Variants in JAZF1 observed in about 807,000 individuals in gnomAD.
JAZF1 encodes juxtaposed with another zinc finger protein 1.
JAZF1 carries 8 observed loss-of-function variants against 26.4 expected under a neutral mutation model. That is an observed-to-expected ratio of 0.30 (90% CI 0.18 to 0.55). The LOEUF (loss-of-function observed/expected upper bound fraction) is 0.55. Among genes scored for constraint, JAZF1 ranks in the 20% least tolerant of loss-of-function variants. The probability of loss-of-function intolerance (pLI) is 0.94; values close to 1 mark genes in which losing one functional copy is unlikely to be tolerated. For synonymous variants in JAZF1, 126 were observed against 122.3 expected, an observed-to-expected ratio of 1.03 and a Z score of -0.20; for missense variants, 199 against 322.0, an observed-to-expected ratio of 0.62 and a Z score of 2.92.
chr7:27,954,435 A>C (rs1018127713), intron 2 of JAZF1, among the ~76,000 whole-genome samples: 4 of 152,166 alleles, frequency 2.6e-5, no homozygotes, highest in Non-Finnish European at 5.9e-5. Flanking sequence ...ACACTAATTT[A>C]GGATGGTGGC....
intron 2 of JAZF1, chr7:27,914,834 C>G: frequency 2.1e-6 from 1 of 471,158 alleles, no homozygotes; most frequent in Non-Finnish European, 4.4e-6. Context: ...TTCTGGATTT[C>G]ACAAGCCATG....
At chr7:27,976,541 T>C (rs2128361047) in intron 2 of JAZF1, among the ~76,000 whole-genome samples, 1 of 152,176 alleles carries the variant, frequency 6.6e-6, no homozygotes, top group Non-Finnish European at 1.5e-5. Context: ...GCATGCAACA[T>C]GTTTATTATG....
intron 1 of JAZF1, among the ~76,000 whole-genome samples, chr7:28,055,743 T>C (rs1258807138): frequency 6.6e-6 from 1 of 152,224 alleles, no homozygotes; most frequent in Non-Finnish European, 1.5e-5. Context: ...GATTATTTGC[T>C]GATTTGATGA....
At chr7:28,039,287 A>C (rs757012993) in intron 1 of JAZF1, among the ~76,000 whole-genome samples, 5 of 151,890 alleles carry the variant, frequency 3.3e-5, no homozygotes, top group Admixed American at 6.6e-5. Flanking sequence ...ACACACACAC[A>C]CCCCTTATTA....
intron 1 of JAZF1, among the ~76,000 whole-genome samples, chr7:28,163,229 C>G (rs1375718480): frequency 6.6e-6 from 1 of 152,148 alleles, no homozygotes; most frequent in Non-Finnish European, 1.5e-5. Flanking sequence ...AGTAAGTTGC[C>G]CAAGGTCACA....
chr7:27,913,336 A>G (rs2128345960), intron 2 of JAZF1: 1 of 448,274 alleles, frequency 2.2e-6, no homozygotes, highest in East Asian at 8.6e-5. Context: ...CTAACCATAC[A>G]ATGTGTTAAG....
At chr7:28,015,110 C>A (rs1001057411) in intron 1 of JAZF1, among the ~76,000 whole-genome samples, 2 of 151,616 alleles carry the variant, frequency 1.3e-5, no homozygotes, top group Admixed American at 1.3e-4. Context: ...AAGTCCCATG[C>A]TAAAAATTCT....
chr7:27,940,984 G>A (rs1275849992), intron 2 of JAZF1, among the ~76,000 whole-genome samples: 2 of 152,154 alleles, frequency 1.3e-5, no homozygotes, highest in Non-Finnish European at 2.9e-5. Flanking sequence ...TTAATGGTAG[G>A]TGTTTTTAAT....
intron 2 of JAZF1, among the ~76,000 whole-genome samples, chr7:27,983,940 C>A (rs903624426): frequency 1.3e-5 from 2 of 152,156 alleles, no homozygotes; most frequent in African/African-American, 4.8e-5. Flanking sequence ...TACAAGAGCT[C>A]CTGAAGGAAG....
chr7:28,100,432 T>TA (rs1357333443), intron 1 of JAZF1, among the ~76,000 whole-genome samples: 1 of 151,872 alleles, frequency 6.6e-6, no homozygotes, highest in Non-Finnish European at 1.5e-5. Flanking sequence ...TACATATATA[T>TA]ATAATAATAA....
intron 1 of JAZF1, among the ~76,000 whole-genome samples, chr7:28,077,243 C>CAA (rs1313885312): frequency 1.3e-5 from 2 of 152,174 alleles, no homozygotes; most frequent in Non-Finnish European, 2.9e-5. Flanking sequence ...GACAATTAAT[C>CAA]AACTACATAG....
chr7:28,015,053 G>GTC (rs1342409280), intron 1 of JAZF1, among the ~76,000 whole-genome samples: 1 of 151,760 alleles, frequency 6.6e-6, no homozygotes, highest in Non-Finnish European at 1.5e-5. Flanking sequence ...GTGTGTGTGT[G>GTC]TGTGTGTGTG....
At chr7:28,093,002 G>A (rs975461535) in intron 1 of JAZF1, among the ~76,000 whole-genome samples, 2 of 152,172 alleles carry the variant, frequency 1.3e-5, no homozygotes, top group Admixed American at 6.5e-5. Flanking sequence ...TCTACAAAGT[G>A]TTCTAGTTGC....
chr7:27,869,171 G>A (rs1345968090), intron 3 of JAZF1, among the ~76,000 whole-genome samples: 1 of 152,134 alleles, frequency 6.6e-6, no homozygotes, highest in Non-Finnish European at 1.5e-5. Flanking sequence ...TTGGTAATAA[G>A]ACTAAGTGTT....
chr7:28,057,651 G>A (rs1182002538), intron 1 of JAZF1, among the ~76,000 whole-genome samples: 1 of 152,058 alleles, frequency 6.6e-6, no homozygotes, highest in African/African-American at 2.4e-5. Context: ...ATTTTTAATG[G>A]TTATAAGCTA....
intron 1 of JAZF1, among the ~76,000 whole-genome samples, chr7:28,143,694 T>A (rs1296894144): frequency 6.6e-6 from 1 of 152,190 alleles, no homozygotes; most frequent in Non-Finnish European, 1.5e-5. Flanking sequence ...ATCCTTTAAG[T>A]AGAAGAGAAA....
At chr7:28,122,477 T>C (rs10447553) in intron 1 of JAZF1, among the ~76,000 whole-genome samples, 120,761 of 151,984 alleles carry the variant, frequency 0.79, 48,649 homozygotes, top group African/African-American at 0.91. Flanking sequence ...CTTTTGGGTG[T>C]CTCCTGGCTT....
intron 1 of JAZF1, among the ~76,000 whole-genome samples, chr7:28,096,922 T>C (rs1298565250): frequency 2.0e-5 from 3 of 152,174 alleles, no homozygotes; most frequent in Non-Finnish European, 4.4e-5. Flanking sequence ...GCCTAATTAC[T>C]AAGAACAGGT....
At chr7:27,913,245 TTA>T (rs1023903476) in intron 2 of JAZF1, 25 of 177,484 alleles carry the variant, frequency 1.4e-4, no homozygotes, top group East Asian at 8.3e-4. Context: ...ACATAGATAT[TTA>T]TGTTTACATA....
Sources: gnomAD v4.1 joint callset for allele counts (sites outside exome capture counted in the v4.1 genomes callset) on GRCh38, gnomAD v4.1.1 for gene constraint, MANE v1.5 for transcripts, NCBI Gene and HGNC (gene_info 2026-07-23, HGNC 2026-07-21) for gene names.